ROBO2: variants seen among roughly 807,000 people sequenced by gnomAD.
ROBO2 encodes the protein roundabout guidance receptor 2, also known as roundabout homolog 2.
A neutral mutation model predicts 160.8 loss-of-function variants in ROBO2; 53 were observed. The ratio of observed to expected loss-of-function variants is 0.33; its 90% confidence interval spans 0.26 to 0.41. The LOEUF (loss-of-function observed/expected upper bound fraction) is 0.41. Ranked by LOEUF, ROBO2 falls within the 10% of genes least tolerant of loss-of-function variation. The pLI is 1.00. For missense variants in ROBO2, 1,577 were observed against 1,722.4 expected (o/e 0.92, Z 1.49); for synonymous variants, 664 against 611.7 (o/e 1.09, Z -1.26).
At chr3:77,095,250 T>C (rs2070886858) in intron 1 of ROBO2, among the ~76,000 whole-genome samples, 1 of 152,148 alleles carries the variant, frequency 6.6e-6, no homozygotes, top group African/African-American at 2.4e-5. Context: ...ATAATCTTTA[T>C]GTAACATAGT....
At chr3:76,764,450 C>G (rs2061470825) in intron 2 of ROBO2, among the ~76,000 whole-genome samples, 1 of 151,584 alleles carries the variant, frequency 6.6e-6, no homozygotes. Context: ...TTTAATAATA[C>G]TAATGTTTAC....
intron 2 of ROBO2, among the ~76,000 whole-genome samples, chr3:76,556,177 C>A (rs2083780890): frequency 6.6e-6 from 1 of 152,030 alleles, no homozygotes; most frequent in Non-Finnish European, 1.5e-5. Context: ...AGGTTGTAGT[C>A]CTCAGGAGAT....
At chr3:76,595,288 G>T (rs543361724) in intron 2 of ROBO2, among the ~76,000 whole-genome samples, 29 of 151,850 alleles carry the variant, frequency 1.9e-4, no homozygotes, top group Admixed American at 4.6e-4. Context: ...TATATACATA[G>T]AACACATTTT....
intron 2 of ROBO2, among the ~76,000 whole-genome samples, chr3:77,374,317 G>A (rs1288617857): frequency 6.6e-6 from 1 of 151,654 alleles, no homozygotes; most frequent in Non-Finnish European, 1.5e-5. Flanking sequence ...TTAAATCTGG[G>A]TTTGAGTCAA....
chr3:77,368,531 C>T (rs2071273181), intron 2 of ROBO2, among the ~76,000 whole-genome samples: 1 of 152,138 alleles, frequency 6.6e-6, no homozygotes, highest in Non-Finnish European at 1.5e-5. Flanking sequence ...TTAGCTGATA[C>T]TGCTCTAGAT....
intron 2 of ROBO2, among the ~76,000 whole-genome samples, chr3:76,441,933 A>G (rs935368742): frequency 3.9e-5 from 6 of 152,324 alleles, no homozygotes; most frequent in African/African-American, 1.4e-4. Context: ...TGCTACATTT[A>G]AGGGGACAGA....
chr3:76,923,727 T>A (rs376105338), intron 2 of ROBO2, among the ~76,000 whole-genome samples: 2 of 152,244 alleles, frequency 1.3e-5, no homozygotes, highest in East Asian at 3.9e-4. Context: ...GTGTCCTGTC[T>A]ACAACTGTGC....
intron 2 of ROBO2, among the ~76,000 whole-genome samples, chr3:76,915,827 G>A (rs1294823599): frequency 1.3e-5 from 2 of 152,156 alleles, no homozygotes; most frequent in Admixed American, 6.5e-5. Flanking sequence ...GGCCTAAACA[G>A]CAAATGTTTA....
chr3:77,134,218 T>C (rs545681765), intron 2 of ROBO2, among the ~76,000 whole-genome samples: 1 of 152,142 alleles, frequency 6.6e-6, no homozygotes, highest in Non-Finnish European at 1.5e-5. Flanking sequence ...GGCTAGGTGA[T>C]CTTTATGAGA....
chr3:76,332,029 T>A (rs1023741742), intron 2 of ROBO2, among the ~76,000 whole-genome samples: 3 of 152,180 alleles, frequency 2.0e-5, no homozygotes, highest in Non-Finnish European at 2.9e-5. Flanking sequence ...TTGTCATGTG[T>A]GTATTACCTG....
intron 2 of ROBO2, among the ~76,000 whole-genome samples, chr3:75,943,402 A>G (rs1274131264): frequency 6.6e-6 from 1 of 152,192 alleles, no homozygotes. Flanking sequence ...AAGTGATATA[A>G]CTATTTTTAT....
chr3:76,458,540 C>G (rs1180122819), intron 2 of ROBO2, among the ~76,000 whole-genome samples: 1 of 152,168 alleles, frequency 6.6e-6, no homozygotes, highest in Non-Finnish European at 1.5e-5. Context: ...CAACCTCTGC[C>G]TGTTACCCAG....
chr3:76,335,288 C>T (rs1305573118), intron 2 of ROBO2, among the ~76,000 whole-genome samples: 1 of 137,758 alleles, frequency 7.3e-6, no homozygotes, highest in South Asian at 2.5e-4. Context: ...CCAAGCAATT[C>T]TCCTGCCTCA....
intron 2 of ROBO2, among the ~76,000 whole-genome samples, chr3:77,294,607 CA>C (rs1231149955): frequency 6.7e-6 from 1 of 148,522 alleles, no homozygotes; most frequent in Non-Finnish European, 1.5e-5. Flanking sequence ...TCATCAAAGA[CA>C]TAAAGTAAAA....
At chr3:76,789,439 G>T (rs1468858940) in intron 2 of ROBO2, among the ~76,000 whole-genome samples, 3 of 151,444 alleles carry the variant, frequency 2.0e-5, no homozygotes, top group Non-Finnish European at 3.0e-5. Flanking sequence ...GTATACAGGG[G>T]TAATCAGCAC....
rs114547933 is a variant in ROBO2, at chr3:76,662,365, G to A, written c.110-435649G>A. Among the ~76,000 whole-genome samples the A allele has an allele frequency of 4.1e-3, 623 of 152,186 alleles. 4 individuals carry two copies. Among genetic ancestry groups the A allele is most frequent in the African/African-American group, 0.014 (591 of 41,510 alleles). ...TCATTATTGTGGGTACATAGTAGGT[G>A]TATATATTTATGGGGTACATATGAT... On this transcript the variant is annotated intron_variant, in intron 2 of 26. Transcript: ENST00000487694.
At chr3:76,853,987 A>G (rs2069706919) in intron 2 of ROBO2, among the ~76,000 whole-genome samples, 1 of 151,714 alleles carries the variant, frequency 6.6e-6, no homozygotes, top group Non-Finnish European at 1.5e-5. Flanking sequence ...GGAAAAATGC[A>G]TAGATAAATG....
chr3:75,971,258 T>C (rs935068248), intron 2 of ROBO2, among the ~76,000 whole-genome samples: 2 of 151,578 alleles, frequency 1.3e-5, no homozygotes, highest in African/African-American at 4.8e-5. Context: ...AGAATAAAAA[T>C]CATCATGTTA....
At chr3:77,209,687 A>T (rs969507648) in intron 2 of ROBO2, among the ~76,000 whole-genome samples, 1 of 152,166 alleles carries the variant, frequency 6.6e-6, no homozygotes, top group Non-Finnish European at 1.5e-5. Context: ...AGTTGCACAA[A>T]AACCATGTTT....
Sources: gnomAD v4.1 joint callset for allele counts (sites outside exome capture counted in the v4.1 genomes callset) on GRCh38, gnomAD v4.1.1 for gene constraint, MANE v1.5 for transcripts, NCBI Gene and HGNC (gene_info 2026-07-23, HGNC 2026-07-21) for gene names.